Variants in NCOA6 observed in about 807,000 individuals in gnomAD.
NCOA6 encodes NRC RAP250.
NCOA6 carries 49 observed loss-of-function variants against 171.4 expected under a neutral mutation model. The ratio of observed to expected loss-of-function variants is 0.29; its 90% CI spans 0.23 to 0.36. The LOEUF is 0.36. Ranked by LOEUF, NCOA6 falls within the 10% of genes least tolerant of loss-of-function variation. The pLI is 1.00. For synonymous variants in NCOA6, 910 were observed against 927.5 expected, an observed-to-expected ratio of 0.98 and a Z score of 0.34; for missense variants, 2,248 against 2,554.5, an observed-to-expected ratio of 0.88 and a Z score of 2.59.
chr20:34,793,780 C>T (rs1166965382), intron 1 of NCOA6, among the ~76,000 whole-genome samples: 2 of 151,914 alleles, frequency 1.3e-5, no homozygotes, highest in African/African-American at 4.8e-5. Flanking sequence ...ACAAATCTCC[C>T]TATATAGAAT....
intron 2 of NCOA6, among the ~76,000 whole-genome samples, chr20:34,785,719 C>G (rs566572191): frequency 3.3e-5 from 5 of 152,114 alleles, no homozygotes; most frequent in Non-Finnish European, 7.4e-5. Context: ...GAATCTTTAA[C>G]CAGAAAGGAG....
At chr20:34,717,044 G>T (rs1988691715) in intron 14 of NCOA6, among the ~76,000 whole-genome samples, 1 of 152,138 alleles carries the variant, frequency 6.6e-6, no homozygotes, top group Admixed American at 6.5e-5. Flanking sequence ...TTGTATTCAA[G>T]GCAAATTTTC....
intron 11 of NCOA6, among the ~76,000 whole-genome samples, chr20:34,737,617 A>G (rs2075996616): frequency 6.6e-6 from 1 of 152,224 alleles, no homozygotes; most frequent in Non-Finnish European, 1.5e-5. Context: ...ATGGAATAAA[A>G]TATGTAATGC....
chr20:34,736,753 A>C lies in NCOA6; in HGVS notation c.5899T>G (p.Ser1967Ala), dbSNP rs2075971214. ...GTTTCCTTTGAGACTAAATTCTGCG[A>C]CGGGGCTAAGGCAAGGAAAAAAAAA... Reference protein sequence around the residue: ...HPELLPSIAPSQNLVSKETST... With the variant: ...HPELLPSIAPAQNLVSKETST... The change falls in exon 12 of 15, where the codon TCG (serine) becomes GCG (alanine). Residue 1967 changes from serine to alanine, a missense_variant. Ser to Ala is a moderately conservative substitution (Grantham distance 99, BLOSUM62 1). This residue lies in a region of NCOA6 where 884 missense variants were observed against 941.9 expected (regional missense o/e 0.94). Coordinates refer to ENST00000359003, the MANE Select transcript of NCOA6 (RefSeq NM_014071.5). The C allele has an allele frequency of 6.2e-7, 1 of 1,610,938 alleles. No homozygotes were observed.
At chr20:34,818,915 T>C (rs9941774) in intron 1 of NCOA6, among the ~76,000 whole-genome samples, 13 of 152,348 alleles carry the variant, frequency 8.5e-5, no homozygotes, top group African/African-American at 3.1e-4. Flanking sequence ...TCTTCTACAG[T>C]ATTTCATAAA....
In NCOA6 at chr20:34,740,645, A is replaced by G. The variant is rs764843040; in HGVS notation, c.5611T>C (p.Ser1871Pro). Residue 1871 changes from serine to proline, a missense_variant, in exon 11 of 15, where the codon TCC becomes CCC. This residue lies in a region of NCOA6 where 884 missense variants were observed against 941.9 expected (regional missense o/e 0.94). Transcript: ENST00000359003. ...GGGGTTTTACTGTCCAGCTCTGTGGATAACTGCTCTGTTCCCATGAGCCCC... is the reference window on the plus strand; with the variant it reads ...GGGGTTTTACTGTCCAGCTCTGTGGGTAACTGCTCTGTTCCCATGAGCCCC... Reference protein sequence around the residue: ...APGLMGTEQLSTELDSKTPTP... With the variant: ...APGLMGTEQLPTELDSKTPTP... 1.2e-6 allele frequency: 2 copies of G among 1,614,144 alleles called. No individual in the cohort carries two copies. Among genetic ancestry groups the G allele is most frequent in the South Asian group, 1.1e-5 (1 of 91,086 alleles).
At position 34,732,615 on chromosome 20, in the gene NCOA6, A is replaced by G; in HGVS notation, c.5963-20T>C. 1 of 1,610,132 alleles carries G rather than the reference A, an allele frequency of 6.2e-7. No individual in the cohort carries two copies. Among genetic ancestry groups the G allele is most frequent in the Non-Finnish European group, 8.5e-7 (1 of 1,176,892 alleles). ...CCAGCTCTGCAAAAAAATATAAAGG[A>G]TAGAAATGAAATGTGGGAGCTGCCA... On this transcript the variant is annotated intron_variant, in intron 12 of 14. Transcript: ENST00000359003.
intron 5 of NCOA6, among the ~76,000 whole-genome samples, chr20:34,767,582 A>C (rs1433329154): frequency 6.6e-6 from 1 of 152,140 alleles, no homozygotes; most frequent in Non-Finnish European, 1.5e-5. Flanking sequence ...AGGCATGACC[A>C]ATCGTGCCCG....
intron 1 of NCOA6, among the ~76,000 whole-genome samples, chr20:34,804,207 G>T (rs1342154681): frequency 6.6e-6 from 1 of 151,716 alleles, no homozygotes; most frequent in African/African-American, 2.4e-5. Flanking sequence ...CGTGGTGACA[G>T]GTGCCTGTAG....
intron 4 of NCOA6, among the ~76,000 whole-genome samples, chr20:34,773,814 G>GT: frequency 6.6e-6 from 1 of 152,160 alleles, no homozygotes; most frequent in Non-Finnish European, 1.5e-5. Context: ...GTGACCCACC[G>GT]TGGCTGGCCA....
At chr20:34,718,113 C>G (rs1431842712) in intron 14 of NCOA6, among the ~76,000 whole-genome samples, 1 of 152,114 alleles carries the variant, frequency 6.6e-6, no homozygotes, top group Non-Finnish European at 1.5e-5. Context: ...TGCAAAAAAA[C>G]CCACAAACAC....
At position 34,741,300 on chromosome 20, in the gene NCOA6, C is replaced by A. The variant is rs2076134198; in HGVS notation, c.4956G>T (p.Arg1652=). 2.5e-6 allele frequency: 4 copies of A among 1,614,158 alleles called. No individual in the cohort carries two copies. The East Asian group carries it at 8.9e-5, about 36-fold the overall frequency. ...TAAAGACAGGTGTAATGAACTGAGG[C>A]CGGGCATTAGACTGAGCAGCTGACT... ...EGQSAAQSNA[R]PQFITPVFIN... is the part of the protein sequence containing the mutation. The change falls in exon 11 of 15, where the codon CGG becomes CGT. Residue 1652 remains arginine (R), a synonymous_variant. Transcript: ENST00000359003.
intron 14 of NCOA6, 43 bp downstream of exon 14, chr20:34,727,216 C>A: frequency 1.2e-6 from 2 of 1,600,648 alleles, no homozygotes. Context: ...GAACTCTATT[C>A]CTCTATTTGA....
intron 14 of NCOA6, among the ~76,000 whole-genome samples, chr20:34,720,314 T>C (rs1037384685): frequency 6.6e-6 from 1 of 152,222 alleles, no homozygotes; most frequent in Non-Finnish European, 1.5e-5. Flanking sequence ...TAAAAAGTGA[T>C]TTGTGGTAGC....
chr20:34,752,105 G>A (rs1163693190), intron 8 of NCOA6, among the ~76,000 whole-genome samples: 17 of 152,066 alleles, frequency 1.1e-4, no homozygotes, highest in African/African-American at 2.7e-4. Context: ...TGATCCACCC[G>A]CCTTGGCCTC....
intron 11 of NCOA6, among the ~76,000 whole-genome samples, chr20:34,740,058 T>G (rs951266104): frequency 6.6e-6 from 1 of 152,170 alleles, no homozygotes; most frequent in South Asian, 2.1e-4. Context: ...AGATGCAGTT[T>G]CACCATGTTG....
chr20:34,767,147 G>C (rs1829086500), intron 5 of NCOA6, among the ~76,000 whole-genome samples: 1 of 152,128 alleles, frequency 6.6e-6, no homozygotes, highest in Non-Finnish European at 1.5e-5. Flanking sequence ...TCAAAAGATG[G>C]TAGGTATTAT....
chr20:34,749,392 T>TCAAAC lies in NCOA6; in HGVS notation c.2792+10_2792+11insGTTTG, dbSNP rs772651556. The TCAAAC allele has an allele frequency of 6.3e-7, 1 of 1,576,356 alleles. No homozygotes were observed. The highest frequency in any genetic ancestry group is 8.6e-7 in the Non-Finnish European group (1 of 1,162,114). ...ATGAATAAAATTTGAGGCAAAACCA[T>TCAAAC]CACAACCTACTTTAGATCTTGCTGA... On this transcript the variant is annotated intron_variant, in intron 9 of 14. Transcript: ENST00000359003.
chr20:34,714,964 G>T lies in NCOA6; in HGVS notation c.*358C>A. On this transcript the variant is annotated 3_prime_UTR_variant, in exon 15 of 15. Transcript: ENST00000359003. ...GAAGATTGCTTTTGCCCCCACTACT[G>T]CTATTCACACACAGTACTTCCACGG... 1 of 183,370 alleles carries T rather than the reference G, an allele frequency of 5.5e-6. No individual in the cohort carries two copies. Among genetic ancestry groups the T allele is most frequent in the East Asian group, 1.5e-4 (1 of 6,472 alleles). The allele number at this position is 183,370 out of a possible 1,614,324, so 11.4% of individuals were successfully genotyped here.
Sources: allele counts gnomAD v4.1 joint callset (sites outside exome capture counted in the v4.1 genomes callset), GRCh38; gene constraint gnomAD v4.1.1; regional missense constraint gnomAD v4.1.1; transcripts MANE v1.5; gene names NCBI Gene and HGNC (gene_info 2026-07-23, HGNC 2026-07-21).